The following ERBB4 variants were observed in gnomAD, a reference collection of about 807,000 sequenced individuals.
ERBB4 encodes the protein receptor tyrosine-protein kinase erbB-4.
Under a neutral mutation model 158.0 loss-of-function variants are expected in ERBB4, and 42 were observed. The ratio of observed to expected loss-of-function variants is 0.27; its 90% CI spans 0.21 to 0.34. The LOEUF is 0.34. Among genes scored for constraint, ERBB4 ranks in the 10% least tolerant of loss-of-function variants. The probability of loss-of-function intolerance (pLI) is 1.00; values close to 1 mark genes in which losing one functional copy is unlikely to be tolerated. For synonymous variants in ERBB4, 583 were observed against 558.7 expected, an observed-to-expected ratio of 1.04 and a Z score of -0.61; for missense variants, 1,333 against 1,624.1, an observed-to-expected ratio of 0.82 and a Z score of 3.08.
chr2:211,464,166 G>T lies in ERBB4; in HGVS notation c.2488-33066C>A, dbSNP rs542406182. The stretch of plus-strand genomic sequence containing the variant: ...ACCTGGGCATTTATCTTGTTATTTT[G>T]TGATTTCTCTAATAGAAGATAAGCT... On this transcript the variant is annotated intron_variant, in intron 20 of 27. Transcript: ENST00000342788. Among the ~76,000 whole-genome samples, 7 of 152,032 alleles carry T rather than the reference G, an allele frequency of 4.6e-5. No individual in the cohort carries two copies. The East Asian group carries it at 5.8e-4, about 13-fold the overall frequency.
At chr2:211,476,984 GGCCATAGTCTCAGA>G (rs1234521187) in intron 20 of ERBB4, among the ~76,000 whole-genome samples, 1 of 152,070 alleles carries the variant, frequency 6.6e-6, no homozygotes, top group Non-Finnish European at 1.5e-5. Context: ...AACTTGGCTG[GGCCATAGTCTCAGA>G]GATTTGGGGT....
intron 7 of ERBB4, among the ~76,000 whole-genome samples, chr2:211,720,784 C>T (rs1284847214): frequency 1.3e-5 from 2 of 152,180 alleles, no homozygotes; most frequent in Non-Finnish European, 2.9e-5. Flanking sequence ...AGTGTTCATA[C>T]CAACACTGTA....
At chr2:212,039,451 T>C (rs2077088457) in intron 2 of ERBB4, among the ~76,000 whole-genome samples, 1 of 152,192 alleles carries the variant, frequency 6.6e-6, no homozygotes, top group African/African-American at 2.4e-5. Context: ...TCTTTAATGC[T>C]TAGTACCTCT....
intron 1 of ERBB4, among the ~76,000 whole-genome samples, chr2:212,479,014 C>A (rs1254791888): frequency 1.3e-5 from 2 of 152,172 alleles, no homozygotes; most frequent in Non-Finnish European, 2.9e-5. Context: ...CCCCACTGGG[C>A]ACTATGCCAA....
chr2:211,734,477 A>T (rs943520482), intron 5 of ERBB4, among the ~76,000 whole-genome samples: 6 of 152,140 alleles, frequency 3.9e-5, no homozygotes, highest in Non-Finnish European at 8.8e-5. Context: ...TTACAGAAGA[A>T]TGTGCATCTG....
chr2:212,524,929 A>G (rs1692366738), intron 1 of ERBB4, among the ~76,000 whole-genome samples: 1 of 152,046 alleles, frequency 6.6e-6, no homozygotes, highest in African/African-American at 2.4e-5. Context: ...ATGCCAGAGA[A>G]GAGATATGAA....
chr2:211,478,263 G>A (rs1365384637), intron 20 of ERBB4, among the ~76,000 whole-genome samples: 1 of 152,148 alleles, frequency 6.6e-6, no homozygotes, highest in Non-Finnish European at 1.5e-5. Context: ...AAACAAACAA[G>A]CTTAATCACT....
chr2:212,409,177 T>C (rs2091430736), intron 1 of ERBB4, among the ~76,000 whole-genome samples: 2 of 152,134 alleles, frequency 1.3e-5, no homozygotes, highest in Admixed American at 1.3e-4. Context: ...AGGGAACAGG[T>C]TATTTATAAA....
intron 25 of ERBB4, among the ~76,000 whole-genome samples, chr2:211,401,269 G>A (rs114085335): frequency 0.015 from 2,241 of 152,060 alleles, 53 homozygotes; most frequent in African/African-American, 0.051. Flanking sequence ...TATGATAACT[G>A]AAATAAAATC....
At chr2:211,805,586 C>T (rs1039282471) in intron 3 of ERBB4, among the ~76,000 whole-genome samples, 7 of 152,140 alleles carry the variant, frequency 4.6e-5, no homozygotes, top group Non-Finnish European at 1.0e-4. Context: ...TCATCTCTTG[C>T]CAGAAAACAG....
intron 1 of ERBB4, among the ~76,000 whole-genome samples, chr2:212,452,646 C>T (rs1325087633): frequency 1.3e-5 from 2 of 152,018 alleles, no homozygotes; most frequent in East Asian, 1.9e-4. Flanking sequence ...CATATATACA[C>T]AAACAATATG....
At chr2:211,464,033 TTTAAGTC>T (rs1234118213) in intron 20 of ERBB4, among the ~76,000 whole-genome samples, 6 of 152,266 alleles carry the variant, frequency 3.9e-5, no homozygotes, top group African/African-American at 1.4e-4. Flanking sequence ...GCTTTTTTCC[TTTAAGTC>T]TTATCTCACA....
intron 1 of ERBB4, among the ~76,000 whole-genome samples, chr2:212,462,756 A>G (rs1688639285): frequency 6.6e-6 from 1 of 152,186 alleles, no homozygotes; most frequent in South Asian, 2.1e-4. Flanking sequence ...TACTGGGTAT[A>G]TATCTAAAGG....
intron 19 of ERBB4, among the ~76,000 whole-genome samples, chr2:211,578,711 T>C (rs6731454): frequency 0.9 from 136,766 of 152,254 alleles, 61,594 homozygotes; most frequent in African/African-American, 0.96. Context: ...GGAAAGGATT[T>C]CCTATTTAAT....
chr2:212,028,400 C>A (rs2076823377), intron 2 of ERBB4, among the ~76,000 whole-genome samples: 1 of 152,120 alleles, frequency 6.6e-6, no homozygotes, highest in African/African-American at 2.4e-5. Flanking sequence ...GCTAGTAACA[C>A]AAAGACAATG....
At chr2:211,624,954 A>C (rs4672620) in intron 17 of ERBB4, among the ~76,000 whole-genome samples, 77 of 151,652 alleles carry the variant, frequency 5.1e-4, no homozygotes, top group Admixed American at 8.5e-4. Context: ...GGGTGTGGCC[A>C]AAGTAGTAAA....
intron 20 of ERBB4, among the ~76,000 whole-genome samples, chr2:211,500,195 T>C (rs1252369239): frequency 6.6e-6 from 1 of 152,168 alleles, no homozygotes; most frequent in African/African-American, 2.4e-5. Context: ...ATTGTATTCA[T>C]CATTTTGTTC....
chr2:211,524,628 G>T (rs908908166), intron 20 of ERBB4, among the ~76,000 whole-genome samples: 10 of 104,060 alleles, frequency 9.6e-5, no homozygotes, highest in Admixed American at 3.0e-4. Flanking sequence ...CGGGTGCTAC[G>T]CCCCTCATTG....
intron 20 of ERBB4, among the ~76,000 whole-genome samples, chr2:211,555,084 T>C (rs993604771): frequency 1.3e-5 from 2 of 152,224 alleles, no homozygotes; most frequent in African/African-American, 4.8e-5. Flanking sequence ...AATAATAACA[T>C]GGACTGCTCT....
Sources: gnomAD v4.1 joint callset for allele counts (sites outside exome capture counted in the v4.1 genomes callset) on GRCh38, gnomAD v4.1.1 for gene constraint, MANE v1.5 for transcripts, NCBI Gene and HGNC (gene_info 2026-07-23, HGNC 2026-07-21) for gene names.